ZMYM5: variants seen among roughly 807,000 people sequenced by gnomAD.
The protein encoded by ZMYM5 is zinc finger MYM-type containing 5.
A neutral mutation model predicts 61.8 loss-of-function variants in ZMYM5; 41 were observed. The observed-to-expected ratio is 0.66, with a 90% CI of 0.52 to 0.86. ZMYM5 has a LOEUF of 0.86. Ranked by LOEUF, ZMYM5 falls within the 40% of genes least tolerant of loss-of-function variation. ZMYM5 has a pLI of 0.00. For synonymous variants in ZMYM5, 257 were observed against 276.4 expected (o/e 0.93, Z 0.70); for missense variants, 706 against 786.7 (o/e 0.90, Z 1.23).
At position 19,824,068 on chromosome 13, in the gene ZMYM5, A is replaced by G. The variant is rs1421333821; in HGVS notation, c.*409T>C. ...TGGCCAGGCTGGTCTTGAACTTCTG[A>G]CCTCAATTGATCTACCCGCCTGAGC... On this transcript the variant is annotated 3_prime_UTR_variant, in exon 8 of 8. Transcript: ENST00000337963. 6 of 152,348 alleles carry G rather than the reference A, an allele frequency of 3.9e-5. No individual in the cohort carries two copies. Among genetic ancestry groups the G allele is most frequent in the Non-Finnish European group, 8.8e-5 (6 of 68,210 alleles). 9.4% of individuals were successfully genotyped at this position (152,348 alleles called of 1,614,324 possible).
intron 7 of ZMYM5, among the ~76,000 whole-genome samples, chr13:19,833,122 T>G (rs889163617): frequency 5.3e-5 from 8 of 152,132 alleles, no homozygotes; most frequent in African/African-American, 1.7e-4. Context: ...AAAAAATAAT[T>G]TAACATAAAT....
chr13:19,827,765 C>G (rs1192714269), intron 7 of ZMYM5, among the ~76,000 whole-genome samples: 1 of 152,018 alleles, frequency 6.6e-6, no homozygotes, highest in Admixed American at 6.6e-5. Flanking sequence ...GGCACGGTGG[C>G]TCACGCCTGT....
At chr13:19,849,587 A>G (rs989527720) in intron 4 of ZMYM5, among the ~76,000 whole-genome samples, 1 of 152,214 alleles carries the variant, frequency 6.6e-6, no homozygotes, top group Non-Finnish European at 1.5e-5. Flanking sequence ...TTACTGGGGT[A>G]AGGAGACATA....
intron 7 of ZMYM5, among the ~76,000 whole-genome samples, chr13:19,832,483 C>T (rs1052034603): frequency 1.3e-5 from 2 of 151,660 alleles, no homozygotes; most frequent in Non-Finnish European, 2.9e-5. Flanking sequence ...CACAACACCA[C>T]GCCTGCCTAA....
intron 7 of ZMYM5, among the ~76,000 whole-genome samples, chr13:19,830,212 G>A (rs189022099): frequency 1.8e-3 from 279 of 152,248 alleles, no homozygotes; most frequent in African/African-American, 6.2e-3. Flanking sequence ...AAGCTACTAA[G>A]TGCAAGATTT....
chr13:19,852,338 T>C (rs991988012), intron 2 of ZMYM5, 148 bp from the exon 3 acceptor site: 105 of 792,802 alleles, frequency 1.3e-4, no homozygotes, highest in Non-Finnish European at 1.7e-4. Flanking sequence ...AACTAATGTT[T>C]ACTTCAGAGC....
chr13:19,830,505 C>T (rs527987251), intron 7 of ZMYM5, among the ~76,000 whole-genome samples: 1 of 152,062 alleles, frequency 6.6e-6, no homozygotes, highest in South Asian at 2.1e-4. Flanking sequence ...TTTCCAAGTA[C>T]CTGGGACTAC....
At position 19,838,706 on chromosome 13, in the gene ZMYM5, CA is replaced by C; in HGVS notation, c.865del (p.Cys289ValfsTer16). On this transcript the variant is annotated frameshift_variant, in exon 5 of 8. Coordinates refer to ENST00000337963, the MANE Select transcript of ZMYM5 (RefSeq NM_001142684.2). LOFTEE classifies it high-confidence loss of function. ...KRTQNTRSII[C>X]KKDASTKKAN... ...GTTGAAAGGTACTGCTTACTTTTTA[CA>C]TATTATGCTTCGTGTGTTTTGAGTA... 1 of 1,613,904 alleles carries C rather than the reference CA, an allele frequency of 6.2e-7. No individual in the cohort carries two copies. The highest frequency in any genetic ancestry group is 1.1e-5 in the South Asian group (1 of 91,072).
rs577657898 is a variant in ZMYM5 at position 19,831,558 on chromosome 13, A to G, written c.1251+3919T>C. ...ACACCTGTATTCCCAACACTTTGGG[A>G]GCCGAGGCAGGCAGATTACCTGAAG... On this transcript the variant is annotated intron_variant, in intron 7 of 7. Coordinates refer to ENST00000337963, the MANE Select transcript of ZMYM5 (RefSeq NM_001142684.2). Among the ~76,000 whole-genome samples the G allele has an allele frequency of 9.2e-5, 14 of 151,846 alleles. No homozygotes were observed. The East Asian group carries it at 2.8e-3, about 30-fold the overall frequency.
At position 19,839,002 on chromosome 13, in the gene ZMYM5, GA is replaced by G. The variant is rs781763683; in HGVS notation, c.587-18del. ...TCCAAGAATCTTAAAAATGAAACAA[GA>G]AAAAAATCATGGAACAAATCAAAAT... On this transcript the variant is annotated intron_variant, in intron 4 of 7. Coordinates refer to ENST00000337963, the MANE Select transcript of ZMYM5 (RefSeq NM_001142684.2). 1.8e-5 allele frequency: 28 copies of G among 1,590,192 alleles called. No homozygotes were observed. The African/African-American group carries it at 2.3e-4, about 13-fold the overall frequency.
intron 2 of ZMYM5, among the ~76,000 whole-genome samples, chr13:19,852,416 T>C (rs1050603458): frequency 1.3e-5 from 2 of 152,222 alleles, no homozygotes; most frequent in African/African-American, 4.8e-5. Flanking sequence ...TAGTACTCAC[T>C]TTATTCACTC....
intron 4 of ZMYM5, among the ~76,000 whole-genome samples, chr13:19,847,071 C>T (rs1242548481): frequency 6.6e-6 from 1 of 152,054 alleles, no homozygotes; most frequent in Non-Finnish European, 1.5e-5. Context: ...TCTCAGCCTC[C>T]CCAGTAGCTA....
chr13:19,859,011 G>C (rs890515746), intron 2 of ZMYM5, among the ~76,000 whole-genome samples: 3 of 151,724 alleles, frequency 2.0e-5, no homozygotes, highest in African/African-American at 7.3e-5. Flanking sequence ...AAGCACTGGG[G>C]AATGTTTCAA....
chr13:19,837,014 GTTGTTTT>G (rs1275309858), intron 6 of ZMYM5, among the ~76,000 whole-genome samples: 5 of 143,220 alleles, frequency 3.5e-5, no homozygotes, highest in South Asian at 4.3e-4. Flanking sequence ...AGATGGGTAT[GTTGTTTT>G]TTGTTTTTTT....
intron 4 of ZMYM5, among the ~76,000 whole-genome samples, chr13:19,848,792 C>T (rs1953177359): frequency 6.6e-6 from 1 of 152,060 alleles, no homozygotes; most frequent in African/African-American, 2.4e-5. Context: ...GCCTTGGCCT[C>T]CCAAAGTGCT....
At chr13:19,834,300 AC>A (rs1308737943) in intron 7 of ZMYM5, among the ~76,000 whole-genome samples, 3 of 93,358 alleles carry the variant, frequency 3.2e-5, no homozygotes, top group African/African-American at 8.6e-5. Flanking sequence ...TAAAAAAAAA[AC>A]AGAAGAAAAA....
intron 7 of ZMYM5, among the ~76,000 whole-genome samples, chr13:19,831,585 C>G (rs1891217151): frequency 6.6e-6 from 1 of 151,694 alleles, no homozygotes; most frequent in South Asian, 2.1e-4. Context: ...TACCTGAAGT[C>G]AGGAGTTCAA....
At chr13:19,840,879 G>C (rs1287025064) in intron 4 of ZMYM5, among the ~76,000 whole-genome samples, 2 of 151,318 alleles carry the variant, frequency 1.3e-5, no homozygotes. Flanking sequence ...GGGTTTCACC[G>C]TATTAGCCAG....
chr13:19,824,565 T>A lies in ZMYM5; in HGVS notation c.1922A>T (p.Asp641Val), dbSNP rs1389915549. Residue 641 changes from aspartate (D) to valine (V), a missense_variant, in exon 8 of 8, where the codon GAT (aspartate) becomes GTT (valine). Asp to Val is a radical substitution (Grantham distance 152, BLOSUM62 -3). Coordinates refer to ENST00000337963, the MANE Select transcript of ZMYM5 (RefSeq NM_001142684.2). ...ATCAATAGCTTTATTTTTTTTCAGA[T>A]CAGATTTTAATTTTGAGTACTTAAC... is the stretch of plus-strand genomic sequence containing the variant. ...NSVKYSKLKS[D>V]LKKNKAIDAA... 7.6e-7 allele frequency: 1 copy of A among 1,317,662 alleles called. No homozygotes were observed. The highest frequency in any genetic ancestry group is 1.5e-5 in the African/African-American group (1 of 66,664). 81.6% of individuals were successfully genotyped at this position (1,317,662 alleles called of 1,614,324 possible). A position where few individuals can be genotyped will look rare whatever the true frequency, so the allele number is the denominator to read the frequency against.
Sources: gnomAD v4.1 joint callset for allele counts (sites outside exome capture counted in the v4.1 genomes callset) on GRCh38, gnomAD v4.1.1 for gene constraint, MANE v1.5 for transcripts, NCBI Gene and HGNC (gene_info 2026-07-23, HGNC 2026-07-21) for gene names.